Variants in UBAP1 observed in about 807,000 individuals in gnomAD.
UBAP1 encodes ubiquitin-associated protein 1.
UBAP1 carries 5 observed loss-of-function variants against 39.0 expected under a neutral mutation model. The observed-to-expected ratio is 0.13, with a 90% CI of 0.07 to 0.27. The LOEUF is 0.27. Ranked by LOEUF, UBAP1 falls within the 10% of genes least tolerant of loss-of-function variation. UBAP1 has a pLI of 1.00. For missense variants in UBAP1, 490 were observed against 608.1 expected, an observed-to-expected ratio of 0.81 and a Z score of 2.04; for synonymous variants, 211 against 225.1, an observed-to-expected ratio of 0.94 and a Z score of 0.56.
intron 4 of UBAP1, among the ~76,000 whole-genome samples, chr9:34,248,842 A>AC (rs1834316692): frequency 6.6e-6 from 1 of 152,152 alleles, no homozygotes; most frequent in Non-Finnish European, 1.5e-5. Flanking sequence ...GAAATAAAAA[A>AC]ATTTTTGTGT....
chr9:34,195,195 C>G (rs1402194712), intron 1 of UBAP1, among the ~76,000 whole-genome samples: 3 of 149,796 alleles, frequency 2.0e-5, no homozygotes, highest in Non-Finnish European at 3.0e-5. Context: ...TCATTGAAGT[C>G]CCCTTTAGTT....
At chr9:34,248,066 C>T (rs1387824057) in intron 4 of UBAP1, among the ~76,000 whole-genome samples, 1 of 150,860 alleles carries the variant, frequency 6.6e-6, no homozygotes, top group Non-Finnish European at 1.5e-5. Flanking sequence ...CAGACAGTCT[C>T]ACTCTGTCAC....
intron 2 of UBAP1, among the ~76,000 whole-genome samples, chr9:34,227,411 A>T (rs1563912087): frequency 6.6e-6 from 1 of 152,084 alleles, no homozygotes; most frequent in African/African-American, 2.4e-5. Context: ...TTTAAGTTTG[A>T]TCTTCTTTTT....
At chr9:34,184,648 G>C (rs1388173488) in intron 1 of UBAP1, among the ~76,000 whole-genome samples, 1 of 138,680 alleles carries the variant, frequency 7.2e-6, no homozygotes, top group Non-Finnish European at 1.6e-5. Flanking sequence ...AAAAAAAAGA[G>C]AGTCTCGCTC....
Position 34,241,603 on chromosome 9 carries a change from C to G in UBAP1, c.578C>G (p.Ala193Gly). ...ILVGTTGPIM[A>G]QLLDNNLPRG... is the part of the protein sequence containing the mutation. ...GTAGGAACCACTGGACCCATTATGG[C>G]TCAGTTATTGGACAATAACTTGCCC... The change falls in exon 4 of 7, where the codon GCT (alanine) becomes GGT (glycine). Residue 193 changes from alanine to glycine, a missense_variant. By Grantham distance (60) the Ala-to-Gly change is moderately conservative. Transcript: ENST00000297661. 1 of 1,614,114 alleles carries G rather than the reference C, an allele frequency of 6.2e-7. No individual in the cohort carries two copies. Among genetic ancestry groups the G allele is most frequent in the Non-Finnish European group, 8.5e-7 (1 of 1,180,004 alleles).
intron 1 of UBAP1, among the ~76,000 whole-genome samples, chr9:34,188,694 C>T (rs912705266): frequency 5.9e-5 from 9 of 152,058 alleles, no homozygotes; most frequent in Non-Finnish European, 1.0e-4. Flanking sequence ...CGTTGGCTCA[C>T]GCCTGTAATC....
intron 1 of UBAP1, among the ~76,000 whole-genome samples, chr9:34,180,726 G>A (rs1829968749): frequency 6.6e-6 from 1 of 151,940 alleles, no homozygotes; most frequent in Non-Finnish European, 1.5e-5. Flanking sequence ...TTTCTTTAGT[G>A]AGTGACCATC....
intron 1 of UBAP1, among the ~76,000 whole-genome samples, chr9:34,208,086 A>G (rs1157386257): frequency 6.6e-6 from 1 of 152,052 alleles, no homozygotes; most frequent in East Asian, 1.9e-4. Context: ...TAGCCATATG[A>G]TTTTTCTTCT....
At chr9:34,228,987 G>A (rs1022051893) in intron 2 of UBAP1, among the ~76,000 whole-genome samples, 2 of 152,064 alleles carry the variant, frequency 1.3e-5, no homozygotes, top group Non-Finnish European at 2.9e-5. Context: ...TTTAAAGTAC[G>A]AAGACCCTGG....
Position 34,250,772 on chromosome 9 carries a change from A to G in UBAP1, c.1368+13A>G, listed in dbSNP as rs763067849. On this transcript the variant is annotated intron_variant, in intron 6 of 6. Coordinates refer to ENST00000297661, the MANE Select transcript of UBAP1 (RefSeq NM_016525.5). ...TTCAGAAGAAAAGGTGGGAATCTTCATGTTTCTTGGGAACCCTCTGGAAAA... is the reference window on the plus strand; with the variant it reads ...TTCAGAAGAAAAGGTGGGAATCTTCGTGTTTCTTGGGAACCCTCTGGAAAA... The G allele has an allele frequency of 1.9e-6, 3 of 1,607,964 alleles. No homozygotes were observed. Among genetic ancestry groups the G allele is most frequent in the South Asian group, 2.2e-5 (2 of 90,906 alleles).
chr9:34,218,750 A>G (rs1832488953), intron 1 of UBAP1, among the ~76,000 whole-genome samples: 1 of 152,120 alleles, frequency 6.6e-6, no homozygotes, highest in Non-Finnish European at 1.5e-5. Flanking sequence ...CCTATCCAAC[A>G]TGGCAAAACC....
Position 34,221,080 on chromosome 9 carries a change from A to T in UBAP1, c.34+132A>T, listed in dbSNP as rs74326687. Reference sequence around the variant, plus strand: ...AACAGCTTGACAAAAATAAAGTTGTACAACAATGTATCAAGTATATCTGAA... The same window carrying T: ...AACAGCTTGACAAAAATAAAGTTGTTCAACAATGTATCAAGTATATCTGAA... On this transcript the variant is annotated intron_variant, in intron 2 of 6. Transcript: ENST00000297661. 783 of 751,798 alleles carry T rather than the reference A, an allele frequency of 1.0e-3. 4 individuals are homozygous for T. Among genetic ancestry groups the T allele is most frequent in the Middle Eastern group, 4.6e-3 (12 of 2,602 alleles). 46.6% of individuals were successfully genotyped at this position (751,798 alleles called of 1,614,324 possible).
intron 1 of UBAP1, among the ~76,000 whole-genome samples, chr9:34,187,610 A>G (rs1008505513): frequency 3.2e-4 from 49 of 152,132 alleles, no homozygotes; most frequent in South Asian, 6.2e-4. Context: ...AAATATATTC[A>G]AATTTTTTTT....
intron 1 of UBAP1, among the ~76,000 whole-genome samples, chr9:34,192,191 TAATGGC>T (rs1830764576): frequency 1.3e-5 from 2 of 151,738 alleles, no homozygotes; most frequent in African/African-American, 4.8e-5. Context: ...GCTTGTATTG[TAATGGC>T]AGAACTGTGG....
intron 2 of UBAP1, among the ~76,000 whole-genome samples, chr9:34,230,989 A>G (rs548735642): frequency 1.3e-4 from 20 of 152,018 alleles, no homozygotes; most frequent in East Asian, 5.8e-4. Context: ...ACCAGCCTGG[A>G]CGACATAATG....
rs139430674 is a variant in UBAP1, at chr9:34,240,210, G to T, written c.160-975G>T. Among the ~76,000 whole-genome samples, 4 of 152,310 alleles carry T rather than the reference G, an allele frequency of 2.6e-5. No individual in the cohort carries two copies. The East Asian group carries it at 7.7e-4, about 29-fold the overall frequency. ...GTGATCCCCCCATATGTCTATCTGA[G>T]GCACAGCAGCTGGCTCAGGATGTAA... On this transcript the variant is annotated intron_variant, in intron 3 of 6. Transcript: ENST00000297661.
intron 4 of UBAP1, among the ~76,000 whole-genome samples, chr9:34,246,768 C>G (rs764213655): frequency 3.7e-4 from 56 of 152,290 alleles, no homozygotes; most frequent in Admixed American, 1.4e-3. Flanking sequence ...AGGACTGCCA[C>G]CTTCTGAGGC....
intron 1 of UBAP1, among the ~76,000 whole-genome samples, chr9:34,199,698 G>C (rs1034405518): frequency 6.6e-6 from 1 of 150,716 alleles, no homozygotes; most frequent in Non-Finnish European, 1.5e-5. Context: ...ACAGTGGCAT[G>C]ATCATGTCCT....
intron 1 of UBAP1, among the ~76,000 whole-genome samples, chr9:34,217,582 A>G (rs959120304): frequency 1.3e-5 from 2 of 149,344 alleles, no homozygotes; most frequent in African/African-American, 2.5e-5. Context: ...TGTTTTTTCA[A>G]CTTTTATTTT....
Sources: gnomAD v4.1 joint callset for allele counts (sites outside exome capture counted in the v4.1 genomes callset) on GRCh38, gnomAD v4.1.1 for gene constraint, MANE v1.5 for transcripts, NCBI Gene and HGNC (gene_info 2026-07-23, HGNC 2026-07-21) for gene names.